The following DOCK9 variants were observed in gnomAD, a reference collection of about 807,000 sequenced individuals.
DOCK9 encodes dedicator of cytokinesis 9.
DOCK9 carries 89 observed loss-of-function variants against 263.3 expected under a neutral mutation model. The ratio of observed to expected loss-of-function variants is 0.34; its 90% CI spans 0.28 to 0.40. The LOEUF is 0.40. DOCK9 is among the 10% of genes least tolerant of loss of function. The pLI, the probability that DOCK9 is intolerant of heterozygous loss-of-function variation, is 1.00. For missense variants in DOCK9, 2,140 were observed against 2,603.4 expected (o/e 0.82, Z 3.87); for synonymous variants, 976 against 973.1 (o/e 1.00, Z -0.06).
chr13:99,038,247 C>T (rs900163362), intron 1 of DOCK9, among the ~76,000 whole-genome samples: 1 of 147,312 alleles, frequency 6.8e-6, no homozygotes, highest in Non-Finnish European at 1.5e-5. Flanking sequence ...TATAATTAAC[C>T]GGAAATAACT....
chr13:99,085,906 G>T (rs2042317694), intron 1 of DOCK9, among the ~76,000 whole-genome samples: 1 of 152,102 alleles, frequency 6.6e-6, no homozygotes, highest in South Asian at 2.1e-4. Context: ...TTGACAGAAA[G>T]CAGGTAAATT....
chr13:98,797,426 G>T lies in DOCK9; in HGVS notation c.5980C>A (p.Pro1994Thr). ...TTAAGCAGCTTCACTTTATTGTCAG[G>T]ATATCGCTTTGTGTTTGTATCATCT... ...FLDDTNTKRY[P>T]DNKVKLLKEV... Residue 1994 changes from proline (P) to threonine (T), a missense_variant, in exon 51 of 53, where the codon CCT becomes ACT. Physicochemically the swap from Pro to Thr is conservative, Grantham distance 38. Coordinates refer to ENST00000682017, the MANE Select transcript of DOCK9 (RefSeq NM_001366683.2). The T allele has an allele frequency of 1.2e-6, 2 of 1,613,646 alleles. No individual in the cohort carries two copies. The highest frequency in any genetic ancestry group is 1.7e-6 in the Non-Finnish European group (2 of 1,179,762).
At chr13:98,997,233 T>C (rs1881265671) in intron 1 of DOCK9, among the ~76,000 whole-genome samples, 2 of 152,236 alleles carry the variant, frequency 1.3e-5, no homozygotes, top group Non-Finnish European at 2.9e-5. Context: ...AAGCGAACAC[T>C]GTAAAATCAC....
intron 1 of DOCK9, among the ~76,000 whole-genome samples, chr13:99,073,146 A>G (rs1384167386): frequency 1.3e-5 from 2 of 152,104 alleles, no homozygotes; most frequent in African/African-American, 4.8e-5. Flanking sequence ...ATCACTCAAG[A>G]TAACCATCGC....
Position 99,019,658 on chromosome 13 carries a change from A to G in DOCK9, c.130-64107T>C, listed in dbSNP as rs534592348. Among the ~76,000 whole-genome samples the G allele has an allele frequency of 3.0e-4, 46 of 152,328 alleles. No individual in the cohort carries two copies. In the South Asian group the frequency reaches 3.5e-3, roughly 12 times the overall value. The stretch of plus-strand genomic sequence containing the variant: ...TGGGAGCTGTCCTATTCTCCCCAGA[A>G]AGCCTCATTATATTTCACATCCTCT... On this transcript the variant is annotated intron_variant, in intron 1 of 32. Transcript: ENST00000427887.
chr13:98,937,587 C>T (rs771534952), intron 2 of DOCK9, among the ~76,000 whole-genome samples: 3 of 151,982 alleles, frequency 2.0e-5, no homozygotes, highest in Non-Finnish European at 4.4e-5. Context: ...GGAAGTTCCA[C>T]AAAATCACAG....
chr13:98,884,923 A>G (rs1454656789), intron 21 of DOCK9, 48 bp downstream of exon 21: 1 of 1,573,906 alleles, frequency 6.4e-7, no homozygotes, highest in Non-Finnish European at 8.6e-7. Flanking sequence ...TTGTTCTTTA[A>G]TGTTTTCTGA....
At position 98,823,681 on chromosome 13, in the gene DOCK9, GA is replaced by G. The variant is rs536293461; in HGVS notation, c.5130+716del. Among the ~76,000 whole-genome samples, 659 of 152,344 alleles carry G rather than the reference GA, an allele frequency of 4.3e-3. 7 individuals carry two copies. The highest frequency in any genetic ancestry group is 0.014 in the Admixed American group (216 of 15,304). On this transcript the variant is annotated intron_variant, in intron 45 of 52. Coordinates refer to ENST00000682017, the MANE Select transcript of DOCK9 (RefSeq NM_001366683.2). ...CTTCAGGCAGATAGGCATGGAAAAG[GA>G]AACAGAGTGAATGAGTGAATGCCAG...
At chr13:99,014,542 A>G (rs557871982) in intron 1 of DOCK9, among the ~76,000 whole-genome samples, 23 of 152,312 alleles carry the variant, frequency 1.5e-4, no homozygotes, top group Non-Finnish European at 4.4e-5. Flanking sequence ...TCACAAGGGC[A>G]TATGGCATGC....
At chr13:98,974,838 C>A (rs116873454) in intron 1 of DOCK9, among the ~76,000 whole-genome samples, 2 of 150,648 alleles carry the variant, frequency 1.3e-5, no homozygotes, top group East Asian at 2.0e-4. Context: ...ACTGAACAAG[C>A]AGCCACTGCT....
chr13:98,977,698 G>A, intron 1 of DOCK9, 86 bp downstream of exon 1: 2 of 1,319,622 alleles, frequency 1.5e-6, no homozygotes, highest in African/African-American at 1.5e-5. Context: ...ATCAAAGACA[G>A]GCAACAGGCG....
At position 98,809,414 on chromosome 13, in the gene DOCK9, C is replaced by T. The variant is rs2091082083; in HGVS notation, c.5305G>A (p.Glu1769Lys). 3 of 1,613,338 alleles carry T rather than the reference C, an allele frequency of 1.9e-6. No individual in the cohort carries two copies. Among genetic ancestry groups the T allele is most frequent in the African/African-American group, 1.3e-5 (1 of 74,832 alleles). ...TLHRAYSKVT[E>K]VMHSGRRLLG... ...AGCCTGCGGCCCGAGTGCATGACCT[C>T]GGTCACTTTGCTGTAGGCCCGGTGC... is the stretch of plus-strand genomic sequence containing the variant. Residue 1769 changes from glutamate (E) to lysine (K), a missense_variant, in exon 47 of 53, where the codon GAG becomes AAG. Coordinates refer to ENST00000682017, the MANE Select transcript of DOCK9 (RefSeq NM_001366683.2).
chr13:98,943,702 T>A (rs1226235249), intron 2 of DOCK9, among the ~76,000 whole-genome samples: 1 of 152,186 alleles, frequency 6.6e-6, no homozygotes, highest in Non-Finnish European at 1.5e-5. Flanking sequence ...ATTGTAGGAA[T>A]GTTGGCAAAT....
At chr13:99,021,325 T>A (rs1007996144) in intron 1 of DOCK9, among the ~76,000 whole-genome samples, 1 of 152,218 alleles carries the variant, frequency 6.6e-6, no homozygotes, top group Non-Finnish European at 1.5e-5. Context: ...CAACAAATTT[T>A]ATTTTTGTTG....
intron 1 of DOCK9, among the ~76,000 whole-genome samples, chr13:99,068,536 C>T (rs1370025152): frequency 6.6e-6 from 1 of 152,136 alleles, no homozygotes; most frequent in Non-Finnish European, 1.5e-5. Context: ...GAGCCCAGAT[C>T]GCGCCCTGCA....
intron 1 of DOCK9, among the ~76,000 whole-genome samples, chr13:99,016,898 C>G (rs1885485205): frequency 6.6e-6 from 1 of 152,156 alleles, no homozygotes; most frequent in African/African-American, 2.4e-5. Context: ...TGACTGAGTA[C>G]CTGGGGGCTG....
chr13:99,016,309 G>A (rs1283584200), intron 1 of DOCK9, among the ~76,000 whole-genome samples: 1 of 152,184 alleles, frequency 6.6e-6, no homozygotes, highest in Non-Finnish European at 1.5e-5. Flanking sequence ...ACAGCTTGCT[G>A]ACAGCAAACC....
At chr13:98,795,428 A>C (rs1011632980) in intron 52 of DOCK9, among the ~76,000 whole-genome samples, 3 of 152,196 alleles carry the variant, frequency 2.0e-5, no homozygotes, top group Admixed American at 2.0e-4. Context: ...CATCGAAAGC[A>C]AGTCTACCCC....
chr13:98,870,679 T>C lies in DOCK9; in HGVS notation c.2944-2302A>G, dbSNP rs143076997. On this transcript the variant is annotated intron_variant, in intron 27 of 52. Transcript: ENST00000682017. Reference sequence around the variant, plus strand: ...TAAAAGTAGAACAGCTGGGTATATATGCCTCCTGATGTGATGCAATAGTAA... The same window carrying C: ...TAAAAGTAGAACAGCTGGGTATATACGCCTCCTGATGTGATGCAATAGTAA... 2.4e-4 allele frequency among the ~76,000 whole-genome samples: 37 copies of C among 152,290 alleles called. No homozygotes were observed. The East Asian group carries it at 6.9e-3, about 29-fold the overall frequency.
Sources: gnomAD v4.1 joint callset for allele counts (sites outside exome capture counted in the v4.1 genomes callset) on GRCh38, gnomAD v4.1.1 for gene constraint, MANE v1.5 for transcripts, NCBI Gene and HGNC (gene_info 2026-07-23, HGNC 2026-07-21) for gene names.